The following KDM6A variants were observed in gnomAD, a reference collection of about 807,000 sequenced individuals.
KDM6A encodes lysine-specific demethylase 6A.
A neutral mutation model predicts 117.6 loss-of-function variants in KDM6A; 11 were observed. That is an observed-to-expected ratio of 0.09 (90% CI 0.06 to 0.15). The LOEUF is 0.15. Among genes scored for constraint, KDM6A ranks in the 10% least tolerant of loss-of-function variants. The pLI is 1.00. For missense variants in KDM6A, 799 were observed against 1,077.3 expected (o/e 0.74, Z 3.62); for synonymous variants, 384 against 396.1 (o/e 0.97, Z 0.36).
At chrX:44,900,448 A>C (rs1274620803) in intron 2 of KDM6A, among the ~76,000 whole-genome samples, 1 of 112,155 alleles carries the variant, frequency 8.9e-6, no homozygotes, top group Non-Finnish European at 1.9e-5. Context: ...CTAGCTCTAA[A>C]AATTCTATGA....
intron 2 of KDM6A, among the ~76,000 whole-genome samples, chrX:44,920,243 T>C (rs188800184): frequency 3.9e-4 from 43 of 111,152 alleles, no homozygotes; most frequent in African/African-American, 1.4e-3. Flanking sequence ...TTTTGCTTAA[T>C]GTATTTTCAA....
chrX:44,880,265 A>G, intron 2 of KDM6A, among the ~76,000 whole-genome samples: 1 of 100,969 alleles, frequency 9.9e-6, no homozygotes, highest in Non-Finnish European at 1.9e-5. Context: ...TTCATTTTGT[A>G]GTAATATTTA....
At chrX:45,011,851 T>C (rs1299550711) in intron 5 of KDM6A, among the ~76,000 whole-genome samples, 1 of 111,150 alleles carries the variant, frequency 9.0e-6, no homozygotes, top group Non-Finnish European at 1.9e-5. Context: ...AGTGGCGAGA[T>C]TGCAGCTTAC....
At chrX:45,061,482 AAT>A in intron 15 of KDM6A, 63 bp downstream of exon 15, 2 of 353,089 alleles carry the variant, frequency 5.7e-6, no homozygotes, top group Non-Finnish European at 9.3e-6. Context: ...AACAAGTATT[AAT>A]TTTTTTTTTT....
intron 27 of KDM6A, among the ~76,000 whole-genome samples, chrX:45,104,569 T>C (rs2046459828): frequency 1.8e-5 from 2 of 111,990 alleles, no homozygotes; most frequent in South Asian, 7.4e-4. Flanking sequence ...TTTCTATTTT[T>C]CCCTATCCTT....
At chrX:44,876,212 C>T (rs2031524100) in intron 2 of KDM6A, among the ~76,000 whole-genome samples, 1 of 111,524 alleles carries the variant, frequency 9.0e-6, no homozygotes, top group African/African-American at 3.3e-5. Flanking sequence ...ATAAAACCTT[C>T]TGTAATATGT....
chrX:45,026,066 G>T (rs1336325956), intron 6 of KDM6A, among the ~76,000 whole-genome samples: 2 of 111,914 alleles, frequency 1.8e-5, no homozygotes, highest in African/African-American at 6.5e-5. Context: ...AATGGAAGAG[G>T]CTATAAAATG....
intron 2 of KDM6A, among the ~76,000 whole-genome samples, chrX:44,958,268 C>T (rs994468249): frequency 9.3e-6 from 1 of 107,747 alleles, no homozygotes. Flanking sequence ...CTGCAACCTC[C>T]GCCTCCTGGG....
intron 2 of KDM6A, among the ~76,000 whole-genome samples, chrX:44,899,224 CGTGTGTGTGTGTGTGT>C (rs572085670): frequency 2.0e-4 from 10 of 49,276 alleles, no homozygotes; most frequent in Admixed American, 2.9e-4. Context: ...TGTGTGTATG[CGTGTGTGTGTGTGTGT>C]GTGTGTGTGT....
chrX:44,892,517 G>T (rs1406681965), intron 2 of KDM6A, among the ~76,000 whole-genome samples: 1 of 110,027 alleles, frequency 9.1e-6, no homozygotes, highest in Non-Finnish European at 1.9e-5. Flanking sequence ...GTGAAACCCC[G>T]TCTCCACTAA....
chrX:45,059,201 G>A, intron 11 of KDM6A, 46 bp from the exon 12 acceptor site: 1 of 1,186,531 alleles, frequency 8.4e-7, no homozygotes, highest in Non-Finnish European at 1.1e-6. Flanking sequence ...ATAAAACCAA[G>A]CAGTTCTTCT....
chrX:45,042,288 AGAGG>A (rs2043297323), intron 8 of KDM6A, among the ~76,000 whole-genome samples: 1 of 47,348 alleles, frequency 2.1e-5, no homozygotes. Context: ...GGGAGAGGGG[AGAGG>A]GGAGAGGGGA....
chrX:44,971,219 C>T (rs2039324149), intron 3 of KDM6A, among the ~76,000 whole-genome samples: 1 of 111,421 alleles, frequency 9.0e-6, no homozygotes, highest in African/African-American at 3.3e-5. Context: ...AAACTAGCTA[C>T]CCTCATGCAT....
intron 4 of KDM6A, among the ~76,000 whole-genome samples, chrX:44,989,410 T>C (rs1008952987): frequency 9.3e-6 from 1 of 107,665 alleles, no homozygotes; most frequent in Admixed American, 1.0e-4. Flanking sequence ...CCCACTGTCC[T>C]GCACCCACTT....
chrX:45,079,288 A>T lies in KDM6A; in HGVS notation c.3237A>T (p.Arg1079Ser). Residue 1079 changes from arginine to serine, a missense_variant, in exon 21 of 30, where the codon AGA becomes AGT. Arg to Ser is a moderately radical substitution (Grantham distance 110). This residue lies in a region of KDM6A where 291 missense variants were observed against 437.9 expected (regional missense o/e 0.66). Transcript: ENST00000611820. ...AAATCTGGCATTGTGAAAGTAATAG[A>T]TCTCATACTACAATTGCTAAATATG... ...TKKIWHCESN[R>S]SHTTIAKYAQ... 1 of 1,205,098 alleles carries T rather than the reference A, an allele frequency of 8.3e-7. No homozygotes were observed. Among genetic ancestry groups the T allele is most frequent in the East Asian group, 3.0e-5 (1 of 33,806 alleles).
chrX:44,942,319 C>T lies in KDM6A; in HGVS notation c.226-18965C>T, dbSNP rs2037380164. Reference sequence around the variant, plus strand: ...AAGTGCTGGGATTACAGGTATGAGCCACCATGCCTGGCTTTTCTGTTTTTT... The same window carrying T: ...AAGTGCTGGGATTACAGGTATGAGCTACCATGCCTGGCTTTTCTGTTTTTT... On this transcript the variant is annotated intron_variant, in intron 2 of 29. Transcript: ENST00000611820. Among the ~76,000 whole-genome samples, 2 of 110,819 alleles carry T rather than the reference C, an allele frequency of 1.8e-5. 1 individual carries two copies. The highest frequency in any genetic ancestry group is 7.7e-4 in the South Asian group (2 of 2,606).
chrX:44,900,072 T>C (rs925236043), intron 2 of KDM6A, among the ~76,000 whole-genome samples: 1 of 112,382 alleles, frequency 8.9e-6, no homozygotes, highest in Non-Finnish European at 1.9e-5. Flanking sequence ...AGAAAGAAAC[T>C]GAAAGATAAA....
intron 2 of KDM6A, among the ~76,000 whole-genome samples, chrX:44,914,745 G>A (rs2035448002): frequency 9.1e-6 from 1 of 110,323 alleles, no homozygotes; most frequent in Non-Finnish European, 1.9e-5. Context: ...AGTTTTCTCT[G>A]TAATACCACC....
intron 3 of KDM6A, among the ~76,000 whole-genome samples, chrX:44,968,963 T>C (rs1306888255): frequency 7.7e-4 from 53 of 68,925 alleles, no homozygotes; most frequent in Admixed American, 1.9e-3. Context: ...AGAATGAAAC[T>C]CCATCTCAAA....
Sources: gnomAD v4.1 joint callset for allele counts (sites outside exome capture counted in the v4.1 genomes callset) on GRCh38, gnomAD v4.1.1 for gene constraint, gnomAD v4.1.1 regional missense constraint, MANE v1.5 for transcripts, NCBI Gene and HGNC (gene_info 2026-07-23, HGNC 2026-07-21) for gene names.